Variants in PTPRN2 observed in about 807,000 individuals in gnomAD.
PTPRN2 encodes the protein protein tyrosine phosphatase receptor type N2, also known as receptor-type tyrosine-protein phosphatase N2.
Under a neutral mutation model 118.8 loss-of-function variants are expected in PTPRN2, and 74 were observed. The observed-to-expected ratio is 0.62, with a 90% confidence interval of 0.52 to 0.76. The LOEUF (loss-of-function observed/expected upper bound fraction) is 0.76, where lower values mean the gene tolerates loss of function less well. Among genes scored for constraint, PTPRN2 ranks in the 30% least tolerant of loss-of-function variants. PTPRN2 has a pLI of 0.00. For missense variants in PTPRN2, 1,481 were observed against 1,394.4 expected (o/e 1.06, Z -0.99); for synonymous variants, 641 against 608.0 (o/e 1.05, Z -0.80).
At chr7:158,245,648 C>T (rs545269984) in intron 3 of PTPRN2, among the ~76,000 whole-genome samples, 2 of 152,218 alleles carry the variant, frequency 1.3e-5, no homozygotes, top group African/African-American at 4.8e-5. Context: ...GATACAAAGG[C>T]AACTCTGCAC....
At chr7:157,951,149 C>T (rs1244247180) in intron 11 of PTPRN2, among the ~76,000 whole-genome samples, 2 of 152,156 alleles carry the variant, frequency 1.3e-5, no homozygotes, top group Admixed American at 1.3e-4. Flanking sequence ...CCTGACCAAC[C>T]AGCCTCACTC....
intron 11 of PTPRN2, among the ~76,000 whole-genome samples, chr7:157,996,381 A>G (rs1235378985): frequency 6.6e-6 from 1 of 152,226 alleles, no homozygotes; most frequent in East Asian, 1.9e-4. Flanking sequence ...TACACAACAG[A>G]TCCACGTAGT....
intron 9 of PTPRN2, among the ~76,000 whole-genome samples, chr7:158,115,774 G>A (rs1816681258): frequency 6.6e-6 from 1 of 152,134 alleles, no homozygotes; most frequent in Non-Finnish European, 1.5e-5. Context: ...CACTGCGAGT[G>A]GACTCAGGAC....
At chr7:158,514,714 T>C (rs1176424220) in intron 1 of PTPRN2, among the ~76,000 whole-genome samples, 1 of 152,244 alleles carries the variant, frequency 6.6e-6, no homozygotes, top group Non-Finnish European at 1.5e-5. Flanking sequence ...AATTTGCTTT[T>C]TCGTTACTTA....
chr7:158,343,078 A>G (rs184237988), intron 2 of PTPRN2, among the ~76,000 whole-genome samples: 8 of 152,324 alleles, frequency 5.3e-5, no homozygotes, highest in Admixed American at 4.6e-4. Context: ...CATCAAAATT[A>G]AAACTTCTGT....
At chr7:158,354,546 T>G (rs933206403) in intron 2 of PTPRN2, among the ~76,000 whole-genome samples, 5 of 152,112 alleles carry the variant, frequency 3.3e-5, no homozygotes, top group African/African-American at 1.2e-4. Flanking sequence ...AAAATACATT[T>G]AGCGAAATGA....
At chr7:157,901,362 G>C (rs1222372530) in intron 11 of PTPRN2, among the ~76,000 whole-genome samples, 1 of 151,630 alleles carries the variant, frequency 6.6e-6, no homozygotes, top group African/African-American at 2.4e-5. Flanking sequence ...CATGGGGACC[G>C]AATTTCAACA....
chr7:158,004,982 C>G (rs941005553), intron 11 of PTPRN2, among the ~76,000 whole-genome samples: 1 of 152,150 alleles, frequency 6.6e-6, no homozygotes, highest in East Asian at 1.9e-4. Context: ...GAAACACACA[C>G]CTCCCCCTTT....
chr7:158,326,073 C>G (rs1283521875), intron 2 of PTPRN2, among the ~76,000 whole-genome samples: 1 of 152,168 alleles, frequency 6.6e-6, no homozygotes, highest in Non-Finnish European at 1.5e-5. Flanking sequence ...AGAATGGGAC[C>G]ACATCCAGGG....
Position 158,544,658 on chromosome 7 carries a change from A to G in PTPRN2, c.112+42900T>C, listed in dbSNP as rs1826182022. Among the ~76,000 whole-genome samples, 1 of 151,988 alleles carries G rather than the reference A, an allele frequency of 6.6e-6. No homozygotes were observed. The highest frequency in any genetic ancestry group is 6.6e-5 in the Admixed American group (1 of 15,260). ...TGTCTCAAAAAAAAAAAAAATTATG[A>G]GATTTTTTTGCAATTTTTTAAAGCT... On this transcript the variant is annotated intron_variant, in intron 1 of 22. Coordinates refer to ENST00000389418, the MANE Select transcript of PTPRN2 (RefSeq NM_002847.5). This position sits in a 1 kb window ranked among gnomAD's most constrained non-coding sequence, Gnocchi z 4.2.
intron 12 of PTPRN2, among the ~76,000 whole-genome samples, chr7:157,860,118 G>A (rs914484497): frequency 1.3e-5 from 2 of 152,248 alleles, no homozygotes; most frequent in Non-Finnish European, 2.9e-5. Context: ...AGTGGGGACA[G>A]CCTGCTATGG....
chr7:158,102,357 C>T (rs889073808), intron 10 of PTPRN2, among the ~76,000 whole-genome samples: 2 of 152,188 alleles, frequency 1.3e-5, no homozygotes, highest in African/African-American at 4.8e-5. Flanking sequence ...CTTGTGACTG[C>T]CTGCCCTCTG....
intron 5 of PTPRN2, among the ~76,000 whole-genome samples, chr7:158,175,309 G>T (rs1470819404): frequency 6.6e-6 from 1 of 152,224 alleles, no homozygotes; most frequent in South Asian, 2.1e-4. Context: ...GGCACCGGAT[G>T]CGGCCAGGTT....
chr7:157,704,026 C>T (rs772075199), intron 12 of PTPRN2, among the ~76,000 whole-genome samples: 112 of 152,294 alleles, frequency 7.4e-4, no homozygotes, highest in Non-Finnish European at 1.4e-3. Flanking sequence ...CCATCCTCCG[C>T]GGGGTGAGGT....
rs954704957 is a variant in PTPRN2 at position 157,674,709 on chromosome 7, G to A, written c.2001+8016C>T. Among the ~76,000 whole-genome samples, 3 of 152,138 alleles carry A rather than the reference G, an allele frequency of 2.0e-5. No individual in the cohort carries two copies. Among genetic ancestry groups the A allele is most frequent in the South Asian group, 4.1e-4 (2 of 4,822 alleles). On this transcript the variant is annotated intron_variant, in intron 13 of 22. Transcript: ENST00000389418. The surrounding 1 kb of genome is among the most constrained non-coding windows in gnomAD (Gnocchi z 4.5). ...TTACAGCAACGGCCTGAGGACCCTC[G>A]GCCCCAAGGTGAGGCCCCGCGCAGG...
chr7:158,365,514 T>C (rs1490855105), intron 2 of PTPRN2, among the ~76,000 whole-genome samples: 1 of 152,196 alleles, frequency 6.6e-6, no homozygotes, highest in Non-Finnish European at 1.5e-5. Flanking sequence ...TTCGCTCCCA[T>C]TGGAAACAGC....
chr7:157,826,577 C>T (rs955341706), intron 12 of PTPRN2, among the ~76,000 whole-genome samples: 28 of 150,004 alleles, frequency 1.9e-4, no homozygotes, highest in Non-Finnish European at 2.4e-4. Flanking sequence ...AGCACGAACA[C>T]GATCGTCACA....
At chr7:158,102,631 T>A (rs933575745) in intron 10 of PTPRN2, among the ~76,000 whole-genome samples, 3 of 152,092 alleles carry the variant, frequency 2.0e-5, no homozygotes, top group African/African-American at 7.2e-5. Context: ...GTATTTGATA[T>A]ATGGAGAGAG....
At chr7:157,835,744 T>A (rs1563155818) in intron 12 of PTPRN2, among the ~76,000 whole-genome samples, 1 of 152,178 alleles carries the variant, frequency 6.6e-6, no homozygotes, top group African/African-American at 2.4e-5. Context: ...AAGGTCCTAG[T>A]TTATCCCTCA....
Sources: gnomAD v4.1 joint callset for allele counts (sites outside exome capture counted in the v4.1 genomes callset) on GRCh38, gnomAD v4.1.1 for gene constraint, Gnocchi (gnomAD v3.1) non-coding constraint, MANE v1.5 for transcripts, NCBI Gene and HGNC (gene_info 2026-07-23, HGNC 2026-07-21) for gene names.